Variants in LY96 observed in about 807,000 individuals in gnomAD.
LY96 encodes the protein myeloid differentiation protein-2.
A neutral mutation model predicts 18.9 loss-of-function variants in LY96; 18 were observed. That is an observed-to-expected ratio of 0.95 (90% CI 0.66 to 1.41). The LOEUF is 1.41. Among genes scored for constraint, LY96 ranks in the 40% most tolerant of loss-of-function variants. The probability of loss-of-function intolerance (pLI) is 0.00; values close to 1 mark genes in which losing one functional copy is unlikely to be tolerated. For missense variants in LY96, 175 were observed against 182.4 expected (o/e 0.96, Z 0.23); for synonymous variants, 66 against 62.6 (o/e 1.06, Z -0.26).
exon 5 of LY96, chr8:74,029,066 TATTTAAAAAAAA>T (rs1261710202): frequency 6.6e-7 from 1 of 1,524,954 alleles, no homozygotes; most frequent in East Asian, 2.3e-5. Flanking sequence ...ATAAATTGAG[TATTTAAAAAAAA>T]ATTTAAAGGT....
the LY96 span, among the ~76,000 whole-genome samples, chr8:74,085,167 A>T: frequency 6.6e-6 from 1 of 152,206 alleles, no homozygotes; most frequent in African/African-American, 2.4e-5. Flanking sequence ...AAATGCCTAC[A>T]ACAACCCTGT....
At position 74,004,825 on chromosome 8, in the gene LY96, G is replaced by A. The variant is rs749183386; in HGVS notation, c.142G>A (p.Val48Ile). 1 of 1,580,302 alleles carries A rather than the reference G, an allele frequency of 6.3e-7. No homozygotes were observed. The highest frequency in any genetic ancestry group is 1.1e-5 in the South Asian group (1 of 90,376). Reference sequence around the variant, plus strand: ...AATGCAATACCCAATTTCAATTAATGTTAACCCCTGTATAGAATTGAAAAG... The same window carrying A: ...AATGCAATACCCAATTTCAATTAATATTAACCCCTGTATAGAATTGAAAAG... The part of the protein sequence containing the change: ...DKMQYPISIN[V>I]NPCIELKRSK... The change falls in exon 2 of 5, where the codon GTT (valine) becomes ATT (isoleucine). Residue 48 changes from valine to isoleucine, a missense_variant. Transcript: ENST00000284818.
the LY96 span, among the ~76,000 whole-genome samples, chr8:74,072,346 A>G: frequency 6.6e-6 from 1 of 152,272 alleles, no homozygotes; most frequent in Non-Finnish European, 1.5e-5. Flanking sequence ...AAAATTTTCC[A>G]TATTTTATGG....
At chr8:74,042,527 AAAT>A in the LY96 span, among the ~76,000 whole-genome samples, 2 of 152,200 alleles carry the variant, frequency 1.3e-5, no homozygotes, top group Non-Finnish European at 2.9e-5. Flanking sequence ...TCAAAAAAAA[AAAT>A]TTGGGATTGG....
chr8:73,998,822 T>C (rs1489395623), intron 1 of LY96, among the ~76,000 whole-genome samples: 1 of 152,210 alleles, frequency 6.6e-6, no homozygotes, highest in African/African-American at 2.4e-5. Context: ...TATCTTTCTG[T>C]TTCTTTTTGT....
At chr8:74,022,276 A>G (rs1816780386) in intron 3 of LY96, among the ~76,000 whole-genome samples, 1 of 151,908 alleles carries the variant, frequency 6.6e-6, no homozygotes, top group Non-Finnish European at 1.5e-5. Context: ...GTGTGGTAGC[A>G]CATGTTTGTA....
chr8:74,045,170 A>C, the LY96 span, among the ~76,000 whole-genome samples: 1 of 152,212 alleles, frequency 6.6e-6, no homozygotes, highest in Non-Finnish European at 1.5e-5. Context: ...ACAGAAGAAC[A>C]CTTGGTCCCT....
chr8:73,998,775 T>C (rs1005414323), intron 1 of LY96, among the ~76,000 whole-genome samples: 2 of 152,196 alleles, frequency 1.3e-5, no homozygotes, highest in African/African-American at 4.8e-5. Context: ...GGTGTGAACA[T>C]TTTAGCAACA....
chr8:74,085,718 T>C, the LY96 span, among the ~76,000 whole-genome samples: 1 of 152,218 alleles, frequency 6.6e-6, no homozygotes, highest in South Asian at 2.1e-4. Flanking sequence ...TGGATCTTTT[T>C]TTAAATTTAA....
chr8:74,088,884 C>T, the LY96 span, among the ~76,000 whole-genome samples: 370 of 152,306 alleles, frequency 2.4e-3, no homozygotes, highest in Non-Finnish European at 4.5e-3. Flanking sequence ...CTGTGCCTGA[C>T]CTCTCCTGCC....
the LY96 span, among the ~76,000 whole-genome samples, chr8:74,044,206 T>TTA: frequency 6.6e-6 from 1 of 151,832 alleles, no homozygotes; most frequent in Non-Finnish European, 1.5e-5. Context: ...TTTTTTTTTT[T>TTA]AGGGTCTCAC....
chr8:74,003,877 A>C (rs1369844251), intron 1 of LY96, among the ~76,000 whole-genome samples: 1 of 151,716 alleles, frequency 6.6e-6, no homozygotes, highest in African/African-American at 2.4e-5. Flanking sequence ...TTCCCACTTC[A>C]CTATTAGCCT....
the LY96 span, among the ~76,000 whole-genome samples, chr8:74,088,451 C>G: frequency 3.9e-5 from 6 of 152,156 alleles, no homozygotes; most frequent in African/African-American, 1.4e-4. Context: ...CTTACCTTTC[C>G]GCTCTGCTCC....
rs1343711445 is a variant in LY96, at chr8:74,002,093, T to TCTC, written c.113-2703_113-2702insCTC. Reference sequence around the variant, plus strand: ...TTCCTTCCTTTCTTTCTTTCTTTCTTTCTCTCTCTCTCTCTCTCTCTCTCT... The same window carrying TCTC: ...TTCCTTCCTTTCTTTCTTTCTTTCTTCTCTCTCTCTCTCTCTCTCTCTCTCTCT... On this transcript the variant is annotated intron_variant, in intron 1 of 4. Transcript: ENST00000284818. 1.8e-4 allele frequency among the ~76,000 whole-genome samples: 7 copies of TCTC among 38,726 alleles called. 3 individuals are homozygous for TCTC. Among genetic ancestry groups the TCTC allele is most frequent in the African/African-American group, 7.7e-4 (5 of 6,456 alleles). 25.4% of individuals were successfully genotyped at this position (38,726 alleles called of 152,430 possible).
the LY96 span, among the ~76,000 whole-genome samples, chr8:74,043,937 G>T: frequency 5.3e-5 from 8 of 152,278 alleles, no homozygotes; most frequent in Admixed American, 1.3e-4. Context: ...AGGCTCAAGC[G>T]ATCTTCCCGT....
At chr8:74,029,575 C>T (rs1026306731), downstream of LY96, among the ~76,000 whole-genome samples, 7 of 152,280 alleles carry the variant, frequency 4.6e-5, no homozygotes, top group African/African-American at 1.2e-4. Context: ...CGAAGAAGGA[C>T]GCGTTTGCTT....
chr8:74,055,693 G>T, the LY96 span, among the ~76,000 whole-genome samples: 1 of 152,160 alleles, frequency 6.6e-6, no homozygotes, highest in Admixed American at 6.5e-5. Flanking sequence ...CATCCAGGTG[G>T]CACAATCTAA....
At chr8:74,061,697 G>A in the LY96 span, among the ~76,000 whole-genome samples, 3,706 of 152,266 alleles carry the variant, frequency 0.024, 128 homozygotes, top group African/African-American at 0.082. Flanking sequence ...GCACAAGTCT[G>A]TGTTTTGTTA....
At chr8:74,079,922 G>A in the LY96 span, among the ~76,000 whole-genome samples, 1 of 152,110 alleles carries the variant, frequency 6.6e-6, no homozygotes, top group African/African-American at 2.4e-5. Flanking sequence ...GATGTGTGCA[G>A]GGAAGGGGGA....
Sources: allele counts gnomAD v4.1 joint callset (sites outside exome capture counted in the v4.1 genomes callset), GRCh38; gene constraint gnomAD v4.1.1; transcripts MANE v1.5; gene names NCBI Gene and HGNC (gene_info 2026-07-23, HGNC 2026-07-21).